Variants in NFYC observed in about 807,000 individuals in gnomAD.
NFYC encodes nuclear transcription factor Y subunit gamma, also known as CAAT box DNA-binding protein subunit C.
NFYC carries 25 observed loss-of-function variants against 53.1 expected under a neutral mutation model. The ratio of observed to expected loss-of-function variants is 0.47; its 90% CI spans 0.34 to 0.66. The LOEUF (loss-of-function observed/expected upper bound fraction) is 0.66, where lower values mean the gene tolerates loss of function less well. NFYC is among the 30% of genes least tolerant of loss of function. The pLI is 0.01. For missense variants in NFYC, 260 were observed against 422.7 expected (o/e 0.62, Z 3.38); for synonymous variants, 145 against 152.6 (o/e 0.95, Z 0.37).
intron 3 of NFYC, among the ~76,000 whole-genome samples, chr1:40,748,136 TTTTC>T (rs1173971299): frequency 6.6e-6 from 1 of 151,770 alleles, no homozygotes; most frequent in Non-Finnish European, 1.5e-5. Context: ...GCATCTGGCC[TTTTC>T]TTTCTTTTTG....
intron 2 of NFYC, among the ~76,000 whole-genome samples, chr1:40,744,657 A>G (rs1321440633): frequency 6.6e-6 from 1 of 152,192 alleles, no homozygotes; most frequent in Non-Finnish European, 1.5e-5. Context: ...GAATGTTCTG[A>G]GAGATAATCT....
At chr1:40,731,436 A>G (rs1221956623) in intron 1 of NFYC, among the ~76,000 whole-genome samples, 1 of 33,658 alleles carries the variant, frequency 3.0e-5, no homozygotes, top group Non-Finnish European at 6.4e-5. Flanking sequence ...CAGCCTCCCA[A>G]AGTTGGGGTT....
At chr1:40,707,972 G>A (rs796332606) in intron 1 of NFYC, among the ~76,000 whole-genome samples, 7 of 151,974 alleles carry the variant, frequency 4.6e-5, no homozygotes, top group African/African-American at 1.2e-4. Context: ...GTAATACATC[G>A]TCAGCCCTCT....
chr1:40,743,790 G>A (rs942948073), intron 2 of NFYC, among the ~76,000 whole-genome samples: 1 of 152,192 alleles, frequency 6.6e-6, no homozygotes, highest in African/African-American at 2.4e-5. Flanking sequence ...AACCACGTGA[G>A]GGAGGATCTT....
chr1:40,770,996 G>A lies in NFYC; in HGVS notation c.*168G>A. On this transcript the variant is annotated 3_prime_UTR_variant, in exon 10 of 10. Transcript: ENST00000447388. This position sits in a 1 kb window ranked among gnomAD's most constrained non-coding sequence, Gnocchi z 5.3. Reference sequence around the variant, plus strand: ...GCCTGGGGGCCGAGATTCTCCAGCAGAAAGATGCAATATTTTTTGTTTCCT... The same window carrying A: ...GCCTGGGGGCCGAGATTCTCCAGCAAAAAGATGCAATATTTTTTGTTTCCT... The A allele has an allele frequency of 1.5e-6, 1 of 651,518 alleles. No homozygotes were observed. Among genetic ancestry groups the A allele is most frequent in the Non-Finnish European group, 2.6e-6 (1 of 382,232 alleles). 40.4% of individuals were successfully genotyped at this position (651,518 alleles called of 1,614,324 possible).
At chr1:40,751,073 A>G (rs565237909) in intron 4 of NFYC, among the ~76,000 whole-genome samples, 2 of 152,352 alleles carry the variant, frequency 1.3e-5, no homozygotes, top group African/African-American at 4.8e-5. Flanking sequence ...CCATTCTTAT[A>G]TAAAAATGCT....
intron 1 of NFYC, among the ~76,000 whole-genome samples, chr1:40,721,220 T>C (rs1175425573): frequency 6.6e-6 from 1 of 152,206 alleles, no homozygotes; most frequent in Admixed American, 6.5e-5. Context: ...TTTACATTTG[T>C]ACTGTAAAGG....
chr1:40,770,173 G>A lies in NFYC; in HGVS notation c.889-536G>A, dbSNP rs1013089152. ...TGAGTATCTTCTCCACCCCTGGAGC[G>A]TCTTGGCTATAGTTAAGTGTTTAAT... On this transcript the variant is annotated intron_variant, in intron 9 of 9. Coordinates refer to ENST00000447388, the MANE Select transcript of NFYC (RefSeq NM_014223.5). The surrounding 1 kb of genome is among the most constrained non-coding windows in gnomAD (Gnocchi z 5.3). 20 of 563,500 alleles carry A rather than the reference G, an allele frequency of 3.5e-5. No individual in the cohort carries two copies. The highest frequency in any genetic ancestry group is 2.5e-4 in the Admixed American group (8 of 32,144). 34.9% of individuals were successfully genotyped at this position (563,500 alleles called of 1,614,324 possible).
intron 1 of NFYC, among the ~76,000 whole-genome samples, chr1:40,695,368 A>G (rs897214752): frequency 1.3e-5 from 2 of 152,188 alleles, no homozygotes; most frequent in Non-Finnish European, 2.9e-5. Flanking sequence ...GTAAACATAT[A>G]TGGGCTAAAC....
intron 1 of NFYC, among the ~76,000 whole-genome samples, chr1:40,696,316 C>G (rs1643143080): frequency 6.6e-6 from 1 of 152,212 alleles, no homozygotes. Context: ...AGCCACAGTG[C>G]TCAGCCACAG....
At chr1:40,752,318 C>T (rs973899133) in intron 4 of NFYC, among the ~76,000 whole-genome samples, 27 of 152,122 alleles carry the variant, frequency 1.8e-4, no homozygotes, top group African/African-American at 3.4e-4. Flanking sequence ...CATTCACTAG[C>T]GTTCAGTGTT....
intron 8 of NFYC, chr1:40,767,128 C>A: frequency 2.8e-6 from 2 of 707,084 alleles, no homozygotes; most frequent in Admixed American, 2.3e-5. Flanking sequence ...TCTTGCATCC[C>A]TAACCAGAAA....
intron 2 of NFYC, among the ~76,000 whole-genome samples, chr1:40,747,285 A>G (rs1450720491): frequency 6.8e-6 from 1 of 147,946 alleles, no homozygotes; most frequent in Admixed American, 6.7e-5. Context: ...GCTGTGTTTC[A>G]TGAGAGCACT....
chr1:40,731,194 T>G lies in NFYC; in HGVS notation c.-8-7642T>G, dbSNP rs114254676. On this transcript the variant is annotated intron_variant, in intron 1 of 9. Transcript: ENST00000447388. ...TAAATAATCATCTTACTTTTTTTTT[T>G]GGGACGGAGTCTTGCTGTATCCCAG... is the stretch of plus-strand genomic sequence containing the variant. 3.3e-3 allele frequency among the ~76,000 whole-genome samples: 507 copies of G among 152,158 alleles called. 3 individuals are homozygous for G. Among genetic ancestry groups the G allele is most frequent in the African/African-American group, 0.011 (437 of 41,466 alleles).
At chr1:40,739,143 C>A (rs1645208428) in intron 2 of NFYC, among the ~76,000 whole-genome samples, 195 bp downstream of exon 2, 1 of 152,100 alleles carries the variant, frequency 6.6e-6, no homozygotes, top group Non-Finnish European at 1.5e-5. Context: ...TCTTTTATAT[C>A]TCAGTGTTCT....
At position 40,770,645 on chromosome 1, in the gene NFYC, C is replaced by G; in HGVS notation, c.889-64C>G. 1 of 1,614,102 alleles carries G rather than the reference C, an allele frequency of 6.2e-7. No homozygotes were observed. The highest frequency in any genetic ancestry group is 1.6e-4 in the Middle Eastern group (1 of 6,062). On this transcript the variant is annotated intron_variant, in intron 9 of 9. Coordinates refer to ENST00000447388, the MANE Select transcript of NFYC (RefSeq NM_014223.5). The surrounding 1 kb of genome is among the most constrained non-coding windows in gnomAD (Gnocchi z 5.3). ...CTGGGACCCCCAACCAGCTCGAGAC[C>G]CATAGGGAGCTGCATGCCCCTCTCC...
intron 5 of NFYC, 42 bp downstream of exon 5, chr1:40,753,288 G>A (rs755178805): frequency 1.1e-5 from 15 of 1,384,428 alleles, no homozygotes; most frequent in African/African-American, 2.8e-5. Context: ...ACTGAAGAGC[G>A]CTTTGTATAC....
intron 1 of NFYC, among the ~76,000 whole-genome samples, chr1:40,725,142 C>T (rs771624387): frequency 5.3e-5 from 8 of 152,162 alleles, no homozygotes; most frequent in South Asian, 4.1e-4. Flanking sequence ...AGGCACTAAA[C>T]GTAGTGCCTG....
intron 1 of NFYC, among the ~76,000 whole-genome samples, chr1:40,710,100 AGT>A (rs978719283): frequency 6.6e-6 from 1 of 152,262 alleles, no homozygotes; most frequent in Non-Finnish European, 1.5e-5. Flanking sequence ...CCCACATGCC[AGT>A]GTGAAATTTT....
Sources: allele counts gnomAD v4.1 joint callset (sites outside exome capture counted in the v4.1 genomes callset), GRCh38; gene constraint gnomAD v4.1.1; non-coding constraint Gnocchi (gnomAD v3.1); transcripts MANE v1.5; gene names NCBI Gene and HGNC (gene_info 2026-07-23, HGNC 2026-07-21).